PABPC4L: variants seen among roughly 807,000 people sequenced by gnomAD.
PABPC4L encodes poly(A) binding protein cytoplasmic 4 like.
For synonymous variants in PABPC4L, 169 were observed against 164.1 expected, an observed-to-expected ratio of 1.03 and a Z score of -0.23; for missense variants, 452 against 451.4, an observed-to-expected ratio of 1.00 and a Z score of -0.01.
At chr4:133,996,432 G>C in the PABPC4L span, among the ~76,000 whole-genome samples, 6 of 152,194 alleles carry the variant, frequency 3.9e-5, no homozygotes, top group South Asian at 2.1e-4. Flanking sequence ...CGAGACGAAG[G>C]CTCCACTAGC....
At chr4:134,151,515 T>C in the PABPC4L span, among the ~76,000 whole-genome samples, 11 of 152,066 alleles carry the variant, frequency 7.2e-5, no homozygotes, top group Admixed American at 7.2e-4. Context: ...TTTCTGATCA[T>C]TTTATTTCAG....
the PABPC4L span, among the ~76,000 whole-genome samples, chr4:134,017,263 C>T: frequency 6.6e-6 from 1 of 152,126 alleles, no homozygotes; most frequent in African/African-American, 2.4e-5. Flanking sequence ...ATACTTTTAT[C>T]ACTTTCCCTT....
chr4:134,020,850 T>C, the PABPC4L span, among the ~76,000 whole-genome samples: 1 of 152,132 alleles, frequency 6.6e-6, no homozygotes, highest in Non-Finnish European at 1.5e-5. Flanking sequence ...AATATAGTTA[T>C]ATATAATTGA....
At chr4:134,098,663 A>G in the PABPC4L span, among the ~76,000 whole-genome samples, 5 of 151,730 alleles carry the variant, frequency 3.3e-5, no homozygotes, top group Admixed American at 6.6e-5. Flanking sequence ...TATAGTTGGT[A>G]TGTAAGCTTA....
the PABPC4L span, among the ~76,000 whole-genome samples, chr4:134,082,755 C>T: frequency 6.6e-6 from 1 of 151,750 alleles, no homozygotes; most frequent in East Asian, 1.9e-4. Flanking sequence ...GCATATTTTT[C>T]CTGTTAATAT....
chr4:134,115,365 G>T, the PABPC4L span, among the ~76,000 whole-genome samples: 2 of 151,742 alleles, frequency 1.3e-5, no homozygotes, highest in African/African-American at 4.8e-5. Flanking sequence ...GAGTGTATGT[G>T]TGTACAAGTA....
chr4:134,033,347 A>G, the PABPC4L span, among the ~76,000 whole-genome samples: 1 of 151,914 alleles, frequency 6.6e-6, no homozygotes, highest in Admixed American at 6.6e-5. Flanking sequence ...ATTCCCTAAG[A>G]AACAACAATA....
the PABPC4L span, among the ~76,000 whole-genome samples, chr4:133,971,435 T>C: frequency 6.6e-6 from 1 of 152,252 alleles, no homozygotes; most frequent in Admixed American, 6.5e-5. Context: ...ATTATTTCAC[T>C]TTTATTGTTA....
At chr4:134,001,599 AT>A in the PABPC4L span, among the ~76,000 whole-genome samples, 2 of 152,140 alleles carry the variant, frequency 1.3e-5, no homozygotes, top group African/African-American at 4.8e-5. Context: ...TACTATAGTG[AT>A]AAGATTAGAA....
the PABPC4L span, among the ~76,000 whole-genome samples, chr4:134,081,773 A>G: frequency 6.6e-6 from 1 of 152,116 alleles, no homozygotes; most frequent in Non-Finnish European, 1.5e-5. Context: ...ACACAAATAA[A>G]CTTAGAAAAA....
chr4:134,104,936 C>T, the PABPC4L span, among the ~76,000 whole-genome samples: 1 of 151,776 alleles, frequency 6.6e-6, no homozygotes, highest in African/African-American at 2.4e-5. Context: ...CCGGTGTGCT[C>T]TCATGTCTTA....
the PABPC4L span, among the ~76,000 whole-genome samples, chr4:134,036,690 T>A: frequency 5.3e-5 from 8 of 152,096 alleles, no homozygotes; most frequent in Admixed American, 5.2e-4. Flanking sequence ...TTCTGTTACA[T>A]TGTTCTATGC....
At chr4:134,048,516 T>G in the PABPC4L span, among the ~76,000 whole-genome samples, 1 of 152,120 alleles carries the variant, frequency 6.6e-6, no homozygotes, top group African/African-American at 2.4e-5. Context: ...TCTTCACAGG[T>G]GAGGGTAGAA....
the PABPC4L span, among the ~76,000 whole-genome samples, chr4:133,997,781 A>T: frequency 1.3e-5 from 2 of 152,182 alleles, no homozygotes; most frequent in South Asian, 2.1e-4. Context: ...TAATAATGTC[A>T]TATAAAGTGT....
chr4:134,064,841 A>G, the PABPC4L span, among the ~76,000 whole-genome samples: 3 of 152,038 alleles, frequency 2.0e-5, no homozygotes, highest in African/African-American at 4.8e-5. Flanking sequence ...ATAAGAGTGA[A>G]CATGAGGTAT....
the PABPC4L span, among the ~76,000 whole-genome samples, chr4:134,150,244 C>T: frequency 4.0e-5 from 6 of 151,690 alleles, no homozygotes; most frequent in Non-Finnish European, 5.9e-5. Flanking sequence ...CCACCATGCT[C>T]GGCTAATTTT....
chr4:134,017,437 TC>T, the PABPC4L span, among the ~76,000 whole-genome samples: 2 of 152,100 alleles, frequency 1.3e-5, no homozygotes, highest in African/African-American at 4.8e-5. Flanking sequence ...CTAGTCATAC[TC>T]CTATTCACCA....
the PABPC4L span, among the ~76,000 whole-genome samples, chr4:134,021,444 A>G: frequency 6.6e-6 from 1 of 152,124 alleles, no homozygotes; most frequent in Non-Finnish European, 1.5e-5. Context: ...TTGATCATGC[A>G]TGGTTCTTTG....
chr4:134,081,178 C>T, the PABPC4L span, among the ~76,000 whole-genome samples: 1 of 152,164 alleles, frequency 6.6e-6, no homozygotes, highest in Admixed American at 6.5e-5. Flanking sequence ...CTGTTGAAGT[C>T]TTCATTAAAA....
Sources: allele counts gnomAD v4.1 joint callset (sites outside exome capture counted in the v4.1 genomes callset), GRCh38; gene constraint gnomAD v4.1.1; transcripts MANE v1.5; gene names NCBI Gene and HGNC (gene_info 2026-07-23, HGNC 2026-07-21).